MGST1: variants seen among roughly 807,000 people sequenced by gnomAD.
MGST1 encodes the protein microsomal glutathione S-transferase 1, also known as glutathione S-transferase 12.
Under a neutral mutation model 8.9 loss-of-function variants are expected in MGST1, and 5 were observed. The observed-to-expected ratio is 0.56, with a 90% confidence interval of 0.29 to 1.19. The LOEUF is 1.19. Among genes scored for constraint, MGST1 ranks in the 50% most tolerant of loss-of-function variants. MGST1 has a pLI of 0.08. For synonymous variants in MGST1, 54 were observed against 67.8 expected (o/e 0.80, Z 1.00); for missense variants, 182 against 187.4 (o/e 0.97, Z 0.17).
intron 4 of MGST1, among the ~76,000 whole-genome samples, chr12:16,472,723 A>G (rs1941296614): frequency 1.3e-5 from 2 of 152,206 alleles, no homozygotes; most frequent in African/African-American, 4.8e-5. Context: ...AAATATTCAA[A>G]TTGGGATACT....
chr12:16,511,990 A>T (rs1941580143), intron 4 of MGST1, among the ~76,000 whole-genome samples: 1 of 152,192 alleles, frequency 6.6e-6, no homozygotes, highest in African/African-American at 2.4e-5. Context: ...TGTTTATGTC[A>T]GTCTATATTT....
intron 1 of MGST1, among the ~76,000 whole-genome samples, chr12:16,394,511 TCC>T (rs1940584102): frequency 6.0e-5 from 3 of 50,060 alleles, no homozygotes; most frequent in South Asian, 8.9e-4. Flanking sequence ...TCTCTTTCTC[TCC>T]CTTTCTTTCT....
chr12:16,395,492 G>C (rs1565446601), intron 1 of MGST1, among the ~76,000 whole-genome samples: 1 of 151,954 alleles, frequency 6.6e-6, no homozygotes, highest in Admixed American at 6.6e-5. Context: ...CTTTAGTGGT[G>C]ATTTGTGAGA....
At chr12:16,469,499 A>G (rs182140118) in intron 4 of MGST1, among the ~76,000 whole-genome samples, 42 of 152,170 alleles carry the variant, frequency 2.8e-4, no homozygotes, top group African/African-American at 9.9e-4. Flanking sequence ...ATAATGCTCT[A>G]TCCTATAGAT....
Position 16,497,829 on chromosome 12 carries a change from A to G in MGST1, n.483-91699A>G, listed in dbSNP as rs1941479979. Among the ~76,000 whole-genome samples, 1 of 152,196 alleles carries G rather than the reference A, an allele frequency of 6.6e-6. No homozygotes were observed. Among genetic ancestry groups the G allele is most frequent in the Non-Finnish European group, 1.5e-5 (1 of 68,016 alleles). On this transcript the variant is annotated intron_variant and non_coding_transcript_variant, in intron 4 of 4. Transcript: ENST00000538857. The surrounding 1 kb of genome is among the most constrained non-coding windows in gnomAD (Gnocchi z 4.4). Reference sequence around the variant, plus strand: ...AGAATTCCCTTGGTAATATGTTAAAATAGCACATTCTTTGGACATCTGTCC... The same window carrying G: ...AGAATTCCCTTGGTAATATGTTAAAGTAGCACATTCTTTGGACATCTGTCC...
At chr12:16,358,630 C>A (rs1939837124) in intron 3 of MGST1, among the ~76,000 whole-genome samples, 1 of 151,900 alleles carries the variant, frequency 6.6e-6, no homozygotes, top group Non-Finnish European at 1.5e-5. Flanking sequence ...CCACGCCCAG[C>A]TAATTTTCTG....
intron 4 of MGST1, among the ~76,000 whole-genome samples, chr12:16,539,917 A>G (rs1941782888): frequency 6.6e-6 from 1 of 152,182 alleles, no homozygotes; most frequent in Middle Eastern, 3.2e-3. Flanking sequence ...TCCTCTACAT[A>G]CTAGTTTAAG....
chr12:16,402,370 C>G, intron 1 of MGST1: 1 of 1,604,014 alleles, frequency 6.2e-7, no homozygotes. Flanking sequence ...AATTGCTGTA[C>G]AGTCTCTTCA....
chr12:16,385,606 A>G (rs1240422801), intron 1 of MGST1, among the ~76,000 whole-genome samples: 1 of 152,174 alleles, frequency 6.6e-6, no homozygotes, highest in Non-Finnish European at 1.5e-5. Context: ...GTTTCAAACA[A>G]TGATAATCTG....
intron 1 of MGST1, among the ~76,000 whole-genome samples, chr12:16,404,141 A>G (rs577341886): frequency 1.3e-5 from 2 of 152,332 alleles, no homozygotes; most frequent in South Asian, 2.1e-4. Flanking sequence ...ACAAAATAAT[A>G]CATACAAGTA....
chr12:16,496,395 G>A (rs937722102), intron 4 of MGST1, among the ~76,000 whole-genome samples: 4 of 152,110 alleles, frequency 2.6e-5, no homozygotes, highest in African/African-American at 4.8e-5. Context: ...CGCTGGGTGC[G>A]AAGATAAGAA....
chr12:16,539,205 C>A (rs1447081240), intron 4 of MGST1, among the ~76,000 whole-genome samples: 1 of 152,068 alleles, frequency 6.6e-6, no homozygotes, highest in Non-Finnish European at 1.5e-5. Flanking sequence ...ACTCTGAACT[C>A]CTTAATTTCT....
chr12:16,449,323 T>C (rs1941110068), intron 4 of MGST1, among the ~76,000 whole-genome samples: 1 of 151,836 alleles, frequency 6.6e-6, no homozygotes, highest in African/African-American at 2.4e-5. Flanking sequence ...TTAAGCAATC[T>C]GATCTCGAGT....
chr12:16,430,477 A>C (rs1441481252), intron 1 of MGST1, among the ~76,000 whole-genome samples: 3 of 152,208 alleles, frequency 2.0e-5, no homozygotes, highest in African/African-American at 7.2e-5. Flanking sequence ...ACTGAAAATC[A>C]GAATTAATCT....
intron 4 of MGST1, among the ~76,000 whole-genome samples, chr12:16,493,778 G>A (rs549783206): frequency 2.2e-4 from 34 of 152,274 alleles, no homozygotes; most frequent in African/African-American, 8.2e-4. Context: ...TGAAGAATCT[G>A]TTCCGTCTAG....
intron 4 of MGST1, among the ~76,000 whole-genome samples, chr12:16,542,985 C>G (rs1941801252): frequency 6.6e-6 from 1 of 152,096 alleles, no homozygotes; most frequent in Non-Finnish European, 1.5e-5. Flanking sequence ...TCTAATGTGC[C>G]CAGACAGAAT....
chr12:16,590,474 G>A (rs1044662691), downstream of MGST1, among the ~76,000 whole-genome samples: 1 of 151,910 alleles, frequency 6.6e-6, no homozygotes, highest in African/African-American at 2.4e-5. Context: ...AATAGGGCTT[G>A]GCTTGACTTT....
chr12:16,526,708 G>T lies in MGST1; in HGVS notation n.483-62820G>T, dbSNP rs573293396. Among the ~76,000 whole-genome samples the T allele has an allele frequency of 3.3e-5, 5 of 152,024 alleles. No individual in the cohort carries two copies. The South Asian group carries it at 1.0e-3, about 32-fold the overall frequency. On this transcript the variant is annotated intron_variant and non_coding_transcript_variant, in intron 4 of 4. Coordinates refer to the MGST1 transcript ENST00000538857. ...AGGTAAGGTATTTATAATAAAACCA[G>T]GTCTTGGGATTTACGTCTGAAAGAG... is the stretch of plus-strand genomic sequence containing the variant.
At chr12:16,501,401 G>A (rs1174457702) in intron 4 of MGST1, among the ~76,000 whole-genome samples, 1 of 152,204 alleles carries the variant, frequency 6.6e-6, no homozygotes. Flanking sequence ...CGCACACACA[G>A]TGTGGCAAAG....
Sources: gnomAD v4.1 joint callset for allele counts (sites outside exome capture counted in the v4.1 genomes callset) on GRCh38, gnomAD v4.1.1 for gene constraint, Gnocchi (gnomAD v3.1) non-coding constraint, MANE v1.5 for transcripts, NCBI Gene and HGNC (gene_info 2026-07-23, HGNC 2026-07-21) for gene names.